Variants in FRMPD1 observed in about 807,000 individuals in gnomAD.
The protein encoded by FRMPD1 is FERM and PDZ domain containing 1.
A neutral mutation model predicts 117.8 loss-of-function variants in FRMPD1; 76 were observed. The ratio of observed to expected loss-of-function variants is 0.65; its 90% CI spans 0.54 to 0.78. FRMPD1 has a LOEUF of 0.78. Among genes scored for constraint, FRMPD1 ranks in the 30% least tolerant of loss-of-function variants. The pLI, the probability that FRMPD1 is intolerant of heterozygous loss-of-function variation, is 0.00. For missense variants in FRMPD1, 1,786 were observed against 1,964.5 expected (o/e 0.91, Z 1.72); for synonymous variants, 783 against 770.4 (o/e 1.02, Z -0.27).
Position 37,717,331 on chromosome 9 carries a change from A to ATGTGTGTGTG in FRMPD1, c.409-1733_409-1732insGTGTGTGTGT, listed in dbSNP as rs1157491514. 1.7e-4 allele frequency among the ~76,000 whole-genome samples: 19 copies of ATGTGTGTGTG among 108,596 alleles called. 1 individual carries two copies. The highest frequency in any genetic ancestry group is 5.6e-4 in the African/African-American group (17 of 30,246). The allele number at this position is 108,596 out of a possible 152,430, so 71.2% of individuals were successfully genotyped here. On this transcript the variant is annotated intron_variant, in intron 5 of 15. Transcript: ENST00000377765. Reference sequence around the variant, plus strand: ...TATATATATGTATGTGTGTGTGTGTATGTGTATATATGTGTGTGTGTGTGT... The same window carrying ATGTGTGTGTG: ...TATATATATGTATGTGTGTGTGTGTATGTGTGTGTGTGTGTATATATGTGTGTGTGTGTGT...
Position 37,735,553 on chromosome 9 carries a change from TA to T in FRMPD1, c.1221del (p.Leu407PhefsTer11). The T allele has an allele frequency of 6.2e-7, 1 of 1,611,036 alleles. No homozygotes were observed. Among genetic ancestry groups the T allele is most frequent in the Non-Finnish European group, 8.5e-7 (1 of 1,177,374 alleles). ...TAATTCCCCTTCCACCCTCTGCAGT[TA>T]CAGGATAGAGAATCCTACATTGCCC... ...GGRIFNATLM[L>X]QDRESYIALL... On this transcript the variant is annotated frameshift_variant and splice_region_variant, in exon 13 of 16. Coordinates refer to ENST00000377765, the MANE Select transcript of FRMPD1 (RefSeq NM_014907.3). LOFTEE classifies it high-confidence loss of function.
chr9:37,637,162 G>A, the FRMPD1 span: 24 of 1,610,070 alleles, frequency 1.5e-5, no homozygotes, highest in East Asian at 4.7e-4. Flanking sequence ...GGATCTTGAA[G>A]TCCACCCCGA....
At chr9:37,634,293 T>C in the FRMPD1 span, among the ~76,000 whole-genome samples, 2 of 152,228 alleles carry the variant, frequency 1.3e-5, no homozygotes, top group Non-Finnish European at 2.9e-5. Flanking sequence ...TTTCCTTCAC[T>C]GCTATGCCAA....
At chr9:37,682,571 C>T (rs1232737936) in intron 1 of FRMPD1, among the ~76,000 whole-genome samples, 1 of 152,236 alleles carries the variant, frequency 6.6e-6, no homozygotes, top group Non-Finnish European at 1.5e-5. Flanking sequence ...GAAACCAGGT[C>T]TCCTAATATC....
At chr9:37,734,669 T>G (rs1824042860) in intron 12 of FRMPD1, among the ~76,000 whole-genome samples, 1 of 152,096 alleles carries the variant, frequency 6.6e-6, no homozygotes, top group African/African-American at 2.4e-5. Flanking sequence ...GATGGGCCAA[T>G]GTAATCAGAC....
the FRMPD1 span, among the ~76,000 whole-genome samples, chr9:37,635,061 T>C: frequency 6.6e-6 from 1 of 152,236 alleles, no homozygotes; most frequent in Non-Finnish European, 1.5e-5. Flanking sequence ...TTTGAAGACA[T>C]TGATCCATTG....
chr9:37,719,011 A>T, intron 5 of FRMPD1, 58 bp from the exon 6 acceptor site: 1 of 972,426 alleles, frequency 1.0e-6, no homozygotes. Flanking sequence ...GAGAAGATAG[A>T]TATACCTGGC....
chr9:37,663,064 T>C (rs1821048238), intron 1 of FRMPD1, among the ~76,000 whole-genome samples: 1 of 152,166 alleles, frequency 6.6e-6, no homozygotes, highest in East Asian at 1.9e-4. Context: ...ATTTAATTTG[T>C]TTAGATACCG....
Position 37,707,488 on chromosome 9 carries a change from A to G in FRMPD1, c.174A>G (p.Val58=). 1.2e-6 allele frequency: 2 copies of G among 1,613,890 alleles called. No homozygotes were observed. Among genetic ancestry groups the G allele is most frequent in the Non-Finnish European group, 1.7e-6 (2 of 1,179,794 alleles). The change falls in exon 3 of 16, where the codon GTA becomes GTG. Residue 58 remains valine, a synonymous_variant. Coordinates refer to ENST00000377765, the MANE Select transcript of FRMPD1 (RefSeq NM_014907.3). The part of the protein sequence containing the change: ...TQTLIPVRHT[V]KIDKDTLLQD... ...CCCTCATCCCTGTGCGACACACAGTAAAGATAGACAAAGACACCCTCCTCC... is the reference window on the plus strand; with the variant it reads ...CCCTCATCCCTGTGCGACACACAGTGAAGATAGACAAAGACACCCTCCTCC...
intron 1 of FRMPD1, among the ~76,000 whole-genome samples, chr9:37,662,629 A>T (rs1004039773): frequency 6.6e-6 from 1 of 152,232 alleles, no homozygotes; most frequent in East Asian, 1.9e-4. Context: ...TTGTTACTAC[A>T]TAAAAATATG....
chr9:37,693,830 C>G (rs1822230515), intron 2 of FRMPD1, among the ~76,000 whole-genome samples: 1 of 152,218 alleles, frequency 6.6e-6, no homozygotes, highest in Non-Finnish European at 1.5e-5. Flanking sequence ...CCCTTCCTCC[C>G]ATCTCCATGT....
At chr9:37,685,613 C>T (rs978381113) in intron 1 of FRMPD1, among the ~76,000 whole-genome samples, 2 of 151,990 alleles carry the variant, frequency 1.3e-5, no homozygotes, top group African/African-American at 4.8e-5. Context: ...GATCTTGCCA[C>T]TGCACTACAG....
At chr9:37,641,367 C>T in the FRMPD1 span, among the ~76,000 whole-genome samples, 1 of 152,192 alleles carries the variant, frequency 6.6e-6, no homozygotes, top group Admixed American at 6.5e-5. Flanking sequence ...TTATTGAATG[C>T]CTGCAACACC....
At position 37,745,842 on chromosome 9, in the gene FRMPD1, A is replaced by G; in HGVS notation, c.3810A>G (p.Glu1270=). The change falls in exon 16 of 16, where the codon GAA becomes GAG. Residue 1270 remains glutamate, a synonymous_variant. Coordinates refer to ENST00000377765, the MANE Select transcript of FRMPD1 (RefSeq NM_014907.3). The part of the protein sequence containing the change: ...LPCPQEDPHL[E]TSNHCLLSEG... ...GTCCACAAGAGGATCCTCACTTAGA[A>G]ACTTCAAACCATTGCTTACTCTCAG... is the stretch of plus-strand genomic sequence containing the variant. The G allele has an allele frequency of 6.2e-7, 1 of 1,614,118 alleles. No individual in the cohort carries two copies. The highest frequency in any genetic ancestry group is 1.1e-5 in the South Asian group (1 of 91,082).
the FRMPD1 span, among the ~76,000 whole-genome samples, chr9:37,614,740 G>T: frequency 6.6e-6 from 1 of 152,202 alleles, no homozygotes; most frequent in East Asian, 1.9e-4. Context: ...AATGTTCAAG[G>T]CCTATGACTA....
At chr9:37,652,184 C>T (rs993764793) in intron 1 of FRMPD1, among the ~76,000 whole-genome samples, 13 of 152,022 alleles carry the variant, frequency 8.6e-5, no homozygotes, top group Non-Finnish European at 1.6e-4. Flanking sequence ...ATGCACTGTT[C>T]TAGGGGTCCT....
chr9:37,639,071 T>C, the FRMPD1 span, among the ~76,000 whole-genome samples: 18 of 152,174 alleles, frequency 1.2e-4, no homozygotes, highest in Non-Finnish European at 2.4e-4. Flanking sequence ...TAGTAGTTGT[T>C]TGAAAAAAGT....
chr9:37,651,413 C>CT (rs1820671745), intron 1 of FRMPD1, among the ~76,000 whole-genome samples: 1 of 152,242 alleles, frequency 6.6e-6, no homozygotes, highest in African/African-American at 2.4e-5. Flanking sequence ...GCGGCCAGCG[C>CT]CAACTTTCTG....
chr9:37,740,070 T>G lies in FRMPD1; in HGVS notation c.1550-8T>G. ...GTTGTGTAACTGTTGCTGTACCCTGTGTTGCAGGCTATGAATCCAGGGCCT... is the reference window on the plus strand; with the variant it reads ...GTTGTGTAACTGTTGCTGTACCCTGGGTTGCAGGCTATGAATCCAGGGCCT... On this transcript the variant is annotated splice_polypyrimidine_tract_variant and splice_region_variant and intron_variant, in intron 14 of 15. Transcript: ENST00000377765. The surrounding 1 kb of genome is among the most constrained non-coding windows in gnomAD (Gnocchi z 4.2). The G allele has an allele frequency of 6.4e-7, 1 of 1,572,934 alleles. No individual in the cohort carries two copies. Among genetic ancestry groups the G allele is most frequent in the Non-Finnish European group, 8.7e-7 (1 of 1,154,262 alleles).
Sources: allele counts gnomAD v4.1 joint callset (sites outside exome capture counted in the v4.1 genomes callset), GRCh38; gene constraint gnomAD v4.1.1; non-coding constraint Gnocchi (gnomAD v3.1); transcripts MANE v1.5; gene names NCBI Gene and HGNC (gene_info 2026-07-23, HGNC 2026-07-21).